Variants in SYDE2 observed in about 807,000 individuals in gnomAD.
The protein encoded by SYDE2 is synapse defective Rho GTPase homolog 2, also known as rho GTPase-activating protein SYDE2.
In SYDE2, 76 loss-of-function variants were observed where a neutral mutation model predicts 91.5. The ratio of observed to expected loss-of-function variants is 0.83; its 90% CI spans 0.69 to 1.01. SYDE2 has a LOEUF of 1.01. Ranked by LOEUF, SYDE2 falls within the 50% of genes least tolerant of loss-of-function variation. SYDE2 has a pLI of 0.00. For missense variants in SYDE2, 1,364 were observed against 1,367.7 expected (o/e 1.00, Z 0.04); for synonymous variants, 513 against 506.4 (o/e 1.01, Z -0.18).
chr1:85,161,202 T>A, intron 6 of SYDE2: 1 of 659,392 alleles, frequency 1.5e-6, no homozygotes, highest in Non-Finnish European at 1.9e-6. Context: ...TAATTTTTCC[T>A]TATCTTGTTT....
chr1:85,157,816 A>G lies in SYDE2; in HGVS notation c.*934T>C, dbSNP rs1421438607. ...ACTTTAAAAATACATGTGATTCTAC[A>G]ATAACCCCTCCCCCATCCTGATATC... On this transcript the variant is annotated 3_prime_UTR_variant, in exon 7 of 7. Transcript: ENST00000341460. 1.3e-5 allele frequency: 2 copies of G among 152,182 alleles called. No homozygotes were observed. The highest frequency in any genetic ancestry group is 6.5e-5 in the Admixed American group (1 of 15,276). 9.4% of individuals were successfully genotyped at this position (152,182 alleles called of 1,614,324 possible).
chr1:85,162,835 T>C lies in SYDE2; in HGVS notation c.3085+1691A>G, dbSNP rs538070657. ...TATCTCCAGGGAAGCAAGTTTTCAT[T>C]TGTGGTAATGACAAGATGGCTTTCT... On this transcript the variant is annotated intron_variant, in intron 6 of 6. Coordinates refer to ENST00000341460, the MANE Select transcript of SYDE2 (RefSeq NM_032184.2). Among the ~76,000 whole-genome samples, 8 of 152,212 alleles carry C rather than the reference T, an allele frequency of 5.3e-5. No homozygotes were observed. The South Asian group carries it at 1.7e-3, about 32-fold the overall frequency.
chr1:85,189,947 C>T, intron 2 of SYDE2, 110 bp downstream of exon 2: 1 of 883,304 alleles, frequency 1.1e-6, no homozygotes. Flanking sequence ...ATTCACTTCA[C>T]AAGAAAAAGT....
chr1:85,164,880 G>T (rs921062842), intron 5 of SYDE2, 123 bp from the exon 6 acceptor site: 1 of 546,412 alleles, frequency 1.8e-6, no homozygotes. Context: ...AAAGATTTGC[G>T]TATAAATTGG....
At chr1:85,167,129 G>C (rs1657311663) in intron 5 of SYDE2, among the ~76,000 whole-genome samples, 1 of 151,358 alleles carries the variant, frequency 6.6e-6, no homozygotes, top group South Asian at 2.1e-4. Flanking sequence ...CAGGAGGATG[G>C]CGTGAGCCGG....
intron 1 of SYDE2, chr1:85,194,817 T>G: frequency 1.0e-6 from 1 of 985,212 alleles, no homozygotes; most frequent in Non-Finnish European, 1.2e-6. Context: ...CCAGCTCAAA[T>G]GCCATCAGCA....
chr1:85,156,992 TTGAC>T lies in SYDE2; in HGVS notation c.*1754_*1757del, dbSNP rs778636921. 5.9e-5 allele frequency: 9 copies of T among 152,028 alleles called. No homozygotes were observed. Among genetic ancestry groups the T allele is most frequent in the Non-Finnish European group, 1.2e-4 (8 of 67,928 alleles). The allele number at this position is 152,028 out of a possible 1,614,324, so 9.4% of individuals were successfully genotyped here. On this transcript the variant is annotated 3_prime_UTR_variant, in exon 7 of 7. Coordinates refer to ENST00000341460, the MANE Select transcript of SYDE2 (RefSeq NM_032184.2). ...ATAAAACATTCAAGAGTACTTTCCT[TTGAC>T]TGTTTACTCAATATATATGTTCTCT...
intron 4 of SYDE2, among the ~76,000 whole-genome samples, chr1:85,171,086 A>G (rs1557745058): frequency 6.6e-6 from 1 of 152,196 alleles, no homozygotes; most frequent in Non-Finnish European, 1.5e-5. Flanking sequence ...GAGGAAAATC[A>G]TGTTTTAGGG....
intron 2 of SYDE2, among the ~76,000 whole-genome samples, chr1:85,185,454 T>C (rs1334995975): frequency 6.6e-6 from 1 of 151,962 alleles, no homozygotes; most frequent in African/African-American, 2.4e-5. Flanking sequence ...TGTTCTTCCA[T>C]TTCTTTGTAT....
In SYDE2 at chr1:85,169,174, T is replaced by A. The variant is rs1300405696; in HGVS notation, c.2723A>T (p.Gln908Leu). 1.3e-5 allele frequency: 21 copies of A among 1,613,784 alleles called. No homozygotes were observed. Among genetic ancestry groups the A allele is most frequent in the Non-Finnish European group, 1.5e-5 (18 of 1,179,826 alleles). The change falls in exon 5 of 7, where the codon CAG (glutamine) becomes CTG (leucine). Residue 908 changes from glutamine to leucine, a missense_variant. Physicochemically the swap from Gln to Leu is moderately radical, Grantham distance 113. Transcript: ENST00000341460. ...TGCATCTAATACAGCCTCATAAAGC[T>A]GCTTTGTTATCAGAGGAGAAGGGAG... ...RELPSPLITK[Q>L]LYEAVLDAMA...
Position 85,159,115 on chromosome 1 carries a change from T to A in SYDE2, c.3220A>T (p.Arg1074Trp). The A allele has an allele frequency of 1.3e-6, 1 of 780,906 alleles. No homozygotes were observed. The highest frequency in any genetic ancestry group is 2.4e-6 in the Non-Finnish European group (1 of 417,982). The allele number at this position is 780,906 out of a possible 1,614,324, so 48.4% of individuals were successfully genotyped here. A position where few individuals can be genotyped will look rare whatever the true frequency, so the allele number is the denominator to read the frequency against. The part of the protein sequence containing the change: ...LSGTDSSGVL[R>W]PRQNRLDSPL... ...CTGTCTAATCGGTTTTGCCTTGGCC[T>A]AAGTACTCCTGATGAATCAGTACCA... The change falls in exon 7 of 7, where the codon AGG becomes TGG. Residue 1074 changes from arginine to tryptophan, a missense_variant. Coordinates refer to ENST00000341460, the MANE Select transcript of SYDE2 (RefSeq NM_032184.2).
chr1:85,184,947 T>A (rs1658073018), intron 2 of SYDE2, among the ~76,000 whole-genome samples: 2 of 151,898 alleles, frequency 1.3e-5, no homozygotes, highest in African/African-American at 2.4e-5. Flanking sequence ...ATAATTGCAT[T>A]AGGATGAATT....
chr1:85,155,471 T>A (rs956239084), downstream of SYDE2, among the ~76,000 whole-genome samples: 5 of 151,912 alleles, frequency 3.3e-5, no homozygotes, highest in African/African-American at 9.7e-5. Flanking sequence ...ATACCCCGTC[T>A]CTATTGAAAG....
At position 85,164,708 on chromosome 1, in the gene SYDE2, T is replaced by C; in HGVS notation, c.2903A>G (p.His968Arg). ...CTGGCACGTCATCTTATTCACTTCATGATAGGAAGCCACCAATTTCAAATG... is the reference window on the plus strand; with the variant it reads ...CTGGCACGTCATCTTATTCACTTCACGATAGGAAGCCACCAATTTCAAATG... ...LDHLKLVASY[H>R]EVNKMTCQNL... Residue 968 changes from histidine (H) to arginine (R), a missense_variant, in exon 6 of 7, where the codon CAT becomes CGT. His to Arg is a conservative substitution (Grantham distance 29). Coordinates refer to ENST00000341460, the MANE Select transcript of SYDE2 (RefSeq NM_032184.2). 35 of 1,481,976 alleles carry C rather than the reference T, an allele frequency of 2.4e-5. No homozygotes were observed. The highest frequency in any genetic ancestry group is 3.0e-5 in the Non-Finnish European group (34 of 1,116,362). 91.8% of individuals were successfully genotyped at this position (1,481,976 alleles called of 1,614,324 possible). A position where few individuals can be genotyped will look rare whatever the true frequency, so the allele number is the denominator to read the frequency against.
At chr1:85,177,499 T>G (rs1412880946) in intron 4 of SYDE2, among the ~76,000 whole-genome samples, 2 of 152,166 alleles carry the variant, frequency 1.3e-5, no homozygotes, top group Admixed American at 1.3e-4. Flanking sequence ...CTTTTTCTGC[T>G]AATGGTACCC....
At position 85,190,454 on chromosome 1, in the gene SYDE2, A is replaced by C. The variant is rs767445236; in HGVS notation, c.1044T>G (p.Ser348=). 10 of 1,613,846 alleles carry C rather than the reference A, an allele frequency of 6.2e-6. No individual in the cohort carries two copies. The highest frequency in any genetic ancestry group is 8.5e-6 in the Non-Finnish European group (10 of 1,179,872). The change falls in exon 2 of 7, where the codon TCT becomes TCG. Residue 348 remains serine, a synonymous_variant. Transcript: ENST00000341460. ...CTYVVCNATN[S]SLSKNCALDF... ...CTAAAGCACAGTTTTTCGATAATGA[A>C]GAGTTTGTAGCGTTACATACCACAT...
chr1:85,196,142 A>C (rs919491120), intron 1 of SYDE2, among the ~76,000 whole-genome samples: 10 of 152,238 alleles, frequency 6.6e-5, no homozygotes, highest in African/African-American at 2.4e-4. Context: ...ATATTAATTC[A>C]TATACATAAA....
At chr1:85,167,787 A>G (rs1286203628) in intron 5 of SYDE2, among the ~76,000 whole-genome samples, 1 of 152,190 alleles carries the variant, frequency 6.6e-6, no homozygotes, top group Non-Finnish European at 1.5e-5. Flanking sequence ...AAATTCCCTA[A>G]CAGGCAGTTC....
downstream of SYDE2, among the ~76,000 whole-genome samples, chr1:85,154,846 G>C (rs933894414): frequency 5.9e-5 from 9 of 151,728 alleles, no homozygotes; most frequent in Non-Finnish European, 1.3e-4. Context: ...TTTGAACATA[G>C]AACTGCAGGC....
Sources: allele counts gnomAD v4.1 joint callset (sites outside exome capture counted in the v4.1 genomes callset), GRCh38; gene constraint gnomAD v4.1.1; transcripts MANE v1.5; gene names NCBI Gene and HGNC (gene_info 2026-07-23, HGNC 2026-07-21).